The following CDKAL1 variants were observed in gnomAD, a reference collection of about 807,000 sequenced individuals.
CDKAL1 encodes threonylcarbamoyladenosine tRNA methylthiotransferase.
In CDKAL1, 32 loss-of-function variants were observed where a neutral mutation model predicts 68.2. The observed-to-expected ratio is 0.47, with a 90% CI of 0.35 to 0.63. The LOEUF (loss-of-function observed/expected upper bound fraction) is 0.63, where lower values mean the gene tolerates loss of function less well. Ranked by LOEUF, CDKAL1 falls within the 30% of genes least tolerant of loss-of-function variation. The pLI is 0.00. For missense variants in CDKAL1, 606 were observed against 696.7 expected, an observed-to-expected ratio of 0.87 and a Z score of 1.47; for synonymous variants, 234 against 244.3, an observed-to-expected ratio of 0.96 and a Z score of 0.39.
chr6:20,715,022 C>G (rs1772024625), intron 5 of CDKAL1, among the ~76,000 whole-genome samples: 1 of 152,132 alleles, frequency 6.6e-6, no homozygotes, highest in African/African-American at 2.4e-5. Context: ...AAATTAAGAT[C>G]ATCATCTTAC....
chr6:21,056,402 A>G (rs1225772751), intron 11 of CDKAL1, among the ~76,000 whole-genome samples: 1 of 152,050 alleles, frequency 6.6e-6, no homozygotes, highest in Non-Finnish European at 1.5e-5. Context: ...GAAATTGTTT[A>G]TTGAGTTAAG....
At chr6:20,804,714 C>T (rs944264954) in intron 8 of CDKAL1, among the ~76,000 whole-genome samples, 2 of 152,110 alleles carry the variant, frequency 1.3e-5, no homozygotes, top group African/African-American at 4.8e-5. Flanking sequence ...TAGAGCAGGT[C>T]TGGGCTGCCA....
Position 20,649,304 on chromosome 6 carries a change from G to A in CDKAL1, c.298G>A (p.Asp100Asn), listed in dbSNP as rs141464108. The A allele has an allele frequency of 6.9e-6, 11 of 1,605,482 alleles. No individual in the cohort carries two copies. The highest frequency in any genetic ancestry group is 2.2e-5 in the East Asian group (1 of 44,572). The change falls in exon 5 of 16, where the codon GAT becomes AAT. Residue 100 changes from aspartate to asparagine, a missense_variant. Transcript: ENST00000274695. ...CATTTTTTTAATAGAAAATGCATCC[G>A]ATGCAGATTTATGGCTCCTGAACAG... is the stretch of plus-strand genomic sequence containing the variant. ...YGYKITENAS[D>N]ADLWLLNSCT... is the part of the protein sequence containing the mutation.
chr6:20,627,133 A>G (rs948108772), intron 4 of CDKAL1, among the ~76,000 whole-genome samples: 21 of 152,158 alleles, frequency 1.4e-4, no homozygotes, highest in African/African-American at 5.1e-4. Flanking sequence ...CTTATACATA[A>G]TTGCATCTAC....
chr6:21,118,265 A>G (rs1261000332), intron 13 of CDKAL1, among the ~76,000 whole-genome samples: 1 of 152,186 alleles, frequency 6.6e-6, no homozygotes, highest in East Asian at 1.9e-4. Flanking sequence ...TCCACTAGAG[A>G]AGTGAGGAGG....
chr6:20,727,081 A>G (rs1772689748), intron 5 of CDKAL1, among the ~76,000 whole-genome samples: 4 of 152,198 alleles, frequency 2.6e-5, no homozygotes, highest in South Asian at 2.1e-4. Flanking sequence ...GATAGCTCCT[A>G]TTGTTAAGGA....
intron 13 of CDKAL1, among the ~76,000 whole-genome samples, chr6:21,161,899 G>T (rs1776943440): frequency 6.6e-6 from 1 of 152,148 alleles, no homozygotes; most frequent in African/African-American, 2.4e-5. Flanking sequence ...GTTAAACTGT[G>T]GTGCAAAGGA....
At chr6:20,669,636 G>A (rs1769717205) in intron 5 of CDKAL1, among the ~76,000 whole-genome samples, 1 of 152,184 alleles carries the variant, frequency 6.6e-6, no homozygotes, top group South Asian at 2.1e-4. Flanking sequence ...GAGTTCAGCA[G>A]TATTAACTCC....
chr6:21,120,038 G>T (rs1774627828), intron 13 of CDKAL1, among the ~76,000 whole-genome samples: 1 of 152,144 alleles, frequency 6.6e-6, no homozygotes, highest in Non-Finnish European at 1.5e-5. Flanking sequence ...TTTTCTGATA[G>T]ACACAGAGGA....
chr6:20,816,128 C>T (rs1019455897), intron 8 of CDKAL1, among the ~76,000 whole-genome samples: 1 of 137,382 alleles, frequency 7.3e-6, no homozygotes, highest in Non-Finnish European at 1.6e-5. Flanking sequence ...TGTCCCCCCC[C>T]CCGCCTTTTT....
intron 8 of CDKAL1, among the ~76,000 whole-genome samples, chr6:20,787,025 T>A (rs1030781801): frequency 1.3e-5 from 2 of 152,216 alleles, no homozygotes; most frequent in African/African-American, 4.8e-5. Context: ...ATTATATCAT[T>A]TTTAAGATAC....
At chr6:20,798,612 A>G (rs999689403) in intron 8 of CDKAL1, among the ~76,000 whole-genome samples, 1 of 152,134 alleles carries the variant, frequency 6.6e-6, no homozygotes, top group Non-Finnish European at 1.5e-5. Context: ...CATCCTTTGT[A>G]GGGACATGGA....
At chr6:20,920,516 A>G (rs894140098) in intron 9 of CDKAL1, among the ~76,000 whole-genome samples, 3 of 152,180 alleles carry the variant, frequency 2.0e-5, no homozygotes, top group African/African-American at 7.2e-5. Context: ...TTTGATTCCC[A>G]CTTCCCTTTG....
chr6:21,107,802 G>C (rs1251756790), intron 12 of CDKAL1, among the ~76,000 whole-genome samples: 8 of 152,188 alleles, frequency 5.3e-5, no homozygotes, highest in African/African-American at 1.9e-4. Flanking sequence ...AGAGTTATAT[G>C]CCTGTATAAC....
intron 10 of CDKAL1, among the ~76,000 whole-genome samples, chr6:20,967,187 T>G (rs542124181): frequency 6.6e-6 from 1 of 152,328 alleles, no homozygotes; most frequent in South Asian, 2.1e-4. Flanking sequence ...TAATTCATTA[T>G]GACCTCATTT....
chr6:20,672,426 C>T (rs1769889010), intron 5 of CDKAL1, among the ~76,000 whole-genome samples: 2 of 151,912 alleles, frequency 1.3e-5, no homozygotes, highest in Non-Finnish European at 2.9e-5. Context: ...GCAATCTTGA[C>T]TCACTGCAAC....
chr6:21,091,813 T>C (rs1048415069), intron 12 of CDKAL1, among the ~76,000 whole-genome samples: 1 of 149,944 alleles, frequency 6.7e-6, no homozygotes, highest in Admixed American at 6.6e-5. Context: ...TCATCCTATA[T>C]TGAGGCTCAT....
At chr6:20,866,043 GT>G (rs1759890219) in intron 9 of CDKAL1, among the ~76,000 whole-genome samples, 1 of 152,102 alleles carries the variant, frequency 6.6e-6, no homozygotes, top group Non-Finnish European at 1.5e-5. Flanking sequence ...ATCTGCTCTT[GT>G]TTTGCTTTAC....
At chr6:20,563,129 C>G (rs1369728244) in intron 4 of CDKAL1, among the ~76,000 whole-genome samples, 1 of 152,170 alleles carries the variant, frequency 6.6e-6, no homozygotes, top group Admixed American at 6.5e-5. Context: ...ATCTTCAAGT[C>G]TGCTGTGTAA....
Sources: gnomAD v4.1 joint callset for allele counts (sites outside exome capture counted in the v4.1 genomes callset) on GRCh38, gnomAD v4.1.1 for gene constraint, MANE v1.5 for transcripts, NCBI Gene and HGNC (gene_info 2026-07-23, HGNC 2026-07-21) for gene names.